PRAF2: variants seen among roughly 807,000 people sequenced by gnomAD.
The protein encoded by PRAF2 is PRA1 domain family member 2.
Under a neutral mutation model 9.7 loss-of-function variants are expected in PRAF2, and 5 were observed. The ratio of observed to expected loss-of-function variants is 0.51; its 90% CI spans 0.27 to 1.08. The LOEUF is 1.08. Among genes scored for constraint, PRAF2 ranks in the 50% least tolerant of loss-of-function variants. The pLI is 0.12. For missense variants in PRAF2, 135 were observed against 160.7 expected (o/e 0.84, Z 0.86); for synonymous variants, 61 against 76.6 (o/e 0.80, Z 1.06).
At chrX:49,072,923 C>T (rs1222292819) in intron 1 of PRAF2, among the ~76,000 whole-genome samples, 2 of 111,018 alleles carry the variant, frequency 1.8e-5, no homozygotes, top group Non-Finnish European at 3.8e-5. Flanking sequence ...CCCCACACCC[C>T]CGGGCTCCCA....
At chrX:49,072,080 G>A (rs936980316) in intron 2 of PRAF2, 72 bp from the exon 3 acceptor site, 4 of 1,114,469 alleles carry the variant, frequency 3.6e-6, no homozygotes, top group African/African-American at 1.8e-5. Flanking sequence ...CCCACCGAAG[G>A]GAATTGGCGC....
At chrX:49,073,220 T>C (rs1355290318) in intron 1 of PRAF2, among the ~76,000 whole-genome samples, 1 of 110,993 alleles carries the variant, frequency 9.0e-6, no homozygotes, top group African/African-American at 3.3e-5. Context: ...CATCCCTCTC[T>C]GGTCTCAGGC....
At chrX:49,072,299 C>T (rs1389668639) in intron 2 of PRAF2, 134 bp downstream of exon 2, 3 of 788,085 alleles carry the variant, frequency 3.8e-6, no homozygotes, top group Non-Finnish European at 5.4e-6. Flanking sequence ...CCCGGGAAGG[C>T]GCTTTTAGCG....
Position 49,073,907 on chromosome X carries a change from T to A in PRAF2, c.81A>T (p.Pro27=). The A allele has an allele frequency of 8.3e-7, 1 of 1,211,995 alleles. No homozygotes were observed. Among genetic ancestry groups the A allele is most frequent in the Non-Finnish European group, 1.1e-6 (1 of 895,463 alleles). ...LGSARLAAPD[P]CDPQRWCHRV... ...GGTGGCACCATCGCTGCGGGTCGCA[T>A]GGATCCGGAGCCGCCAGACGCGCCG... Residue 27 remains proline, a synonymous_variant, in exon 1 of 3, where the codon CCA becomes CCT. Transcript: ENST00000553851.
At chrX:49,072,977 C>A (rs1279916724) in intron 1 of PRAF2, among the ~76,000 whole-genome samples, 1 of 111,128 alleles carries the variant, frequency 9.0e-6, no homozygotes, top group African/African-American at 3.3e-5. Context: ...CCGTAGGGCC[C>A]CTCATCAGCC....
chrX:49,072,595 C>G lies in PRAF2; in HGVS notation c.235G>C (p.Gly79Arg), dbSNP rs1569523326. The change falls in exon 2 of 3, where the codon GGC (glycine) becomes CGC (arginine). Residue 79 changes from glycine (G) to arginine (R), a missense_variant. Gly to Arg is a moderately radical substitution (Grantham distance 125, BLOSUM62 -2). Coordinates refer to ENST00000553851, the MANE Select transcript of PRAF2 (RefSeq NM_007213.3). ...GTCTCAGCTGCCCACACCAGCACGC[C>G]GAGGGCCACCGCCACTACCAGCGCG... ...LSALVVAVALGVLVWAAETRA... is the reference protein window; with the variant it reads ...LSALVVAVALRVLVWAAETRA... 1 of 1,162,980 alleles carries G rather than the reference C, an allele frequency of 8.6e-7. No homozygotes were observed.
At chrX:49,072,122 G>A in intron 2 of PRAF2, 114 bp from the exon 3 acceptor site, 1 of 934,575 alleles carries the variant, frequency 1.1e-6, no homozygotes, top group Non-Finnish European at 1.5e-6. Flanking sequence ...TGAGCAGCCA[G>A]GACGCCTCAG....
In PRAF2 at chrX:49,073,983, G is replaced by A. The variant is rs1557083607; in HGVS notation, c.5C>T (p.Ser2Leu). 1.0e-5 allele frequency: 12 copies of A among 1,199,237 alleles called. No individual in the cohort carries two copies. The highest frequency in any genetic ancestry group is 1.3e-5 in the Non-Finnish European group (12 of 889,995). The change falls in exon 1 of 3, where the codon TCG (serine) becomes TTG (leucine). Residue 2 changes from serine (S) to leucine (L), a missense_variant. Ser to Leu is a moderately radical substitution (Grantham distance 145, BLOSUM62 -2). Transcript: ENST00000553851. M[S>L]EVRLPPLRAL... ...GCGTAGCGGTGGCAGCCGCACCTCC[G>A]ACATCCTGCCGGTTAATGTGGCTGG...
Position 49,071,392 on chromosome X carries a change from G to A in PRAF2, c.*477C>T, listed in dbSNP as rs1323166375. 2 of 112,770 alleles carry A rather than the reference G, an allele frequency of 1.8e-5. No homozygotes were observed. Among genetic ancestry groups the A allele is most frequent in the Non-Finnish European group, 3.7e-5 (2 of 53,761 alleles). The allele number at this position is 112,770 out of a possible 1,213,427, so 9.3% of individuals were successfully genotyped here. ...AGGATACCCGACTCCATCCACACAG[G>A]GGCATGGAACACTTGGGTTCTGAGT... On this transcript the variant is annotated 3_prime_UTR_variant, in exon 3 of 3. Transcript: ENST00000553851.
chrX:49,073,656 C>T (rs190713849), intron 1 of PRAF2, among the ~76,000 whole-genome samples, 153 bp downstream of exon 1: 6 of 111,246 alleles, frequency 5.4e-5, no homozygotes, highest in East Asian at 2.8e-4. Flanking sequence ...TCAAGGCCCC[C>T]CTTCCAAGCC....
In PRAF2 at chrX:49,072,667, A is replaced by G. The variant is rs1557083341; in HGVS notation, c.180-17T>C. On this transcript the variant is annotated splice_polypyrimidine_tract_variant and intron_variant, in intron 1 of 2. Transcript: ENST00000553851. ...CGCACGTACCTGCGGGTACAAGGGA[A>G]CCAAGCTAGCCGGCCGGGCGGAGAG... The G allele has an allele frequency of 1.1e-5, 13 of 1,160,957 alleles. No homozygotes were observed. Among genetic ancestry groups the G allele is most frequent in the Non-Finnish European group, 1.5e-5 (13 of 869,563 alleles).
chrX:49,071,744 T>A lies in PRAF2; in HGVS notation c.*125A>T. The A allele has an allele frequency of 1.2e-6, 1 of 831,077 alleles. No individual in the cohort carries two copies. The highest frequency in any genetic ancestry group is 1.6e-6 in the Non-Finnish European group (1 of 608,476). 68.5% of individuals were successfully genotyped at this position (831,077 alleles called of 1,213,427 possible). A position where few individuals can be genotyped will look rare whatever the true frequency, so the allele number is the denominator to read the frequency against. The stretch of plus-strand genomic sequence containing the variant: ...CGTGGGGGTAGGGCGGTCACAGATG[T>A]CCTGTTTTGTTTGGGCAGGGGGCTC... On this transcript the variant is annotated 3_prime_UTR_variant, in exon 3 of 3. Coordinates refer to ENST00000553851, the MANE Select transcript of PRAF2 (RefSeq NM_007213.3).
chrX:49,072,394 G>A (rs782248303), intron 2 of PRAF2, 39 bp downstream of exon 2: 1 of 1,163,510 alleles, frequency 8.6e-7, no homozygotes, highest in East Asian at 3.2e-5. Flanking sequence ...AGCATGCTCT[G>A]GCTGCTTTCC....
At chrX:49,072,291 CGGGAAGGCGCTTTTAGCGG>C (rs1331193859) in intron 2 of PRAF2, 123 bp downstream of exon 2, 14 of 754,961 alleles carry the variant, frequency 1.9e-5, no homozygotes, top group Non-Finnish European at 2.7e-5. Context: ...GAACGAAGCC[CGGGAAGGCGCTTTTAGCGG>C]GGGCGTGGCG....
In PRAF2 at chrX:49,072,549, C is replaced by A. The variant is rs1557083313; in HGVS notation, c.281G>T (p.Cys94Phe). ...AAETRAAVRR[C>F]RRSHPAACLA... is the part of the protein sequence containing the mutation. Reference sequence around the variant, plus strand: ...GCAGGCTGCAGGGTGGCTGCGGCGGCAGCGGCGCACAGCTGCGCGGGTCTC... The same window carrying A: ...GCAGGCTGCAGGGTGGCTGCGGCGGAAGCGGCGCACAGCTGCGCGGGTCTC... The change falls in exon 2 of 3, where the codon TGC (cysteine) becomes TTC (phenylalanine). Residue 94 changes from cysteine (C) to phenylalanine (F), a missense_variant. Coordinates refer to ENST00000553851, the MANE Select transcript of PRAF2 (RefSeq NM_007213.3). 3 of 1,166,608 alleles carry A rather than the reference C, an allele frequency of 2.6e-6. No homozygotes were observed. Among genetic ancestry groups the A allele is most frequent in the Non-Finnish European group, 3.4e-6 (3 of 872,958 alleles).
At chrX:49,072,404 CTG>C in intron 2 of PRAF2, 27 bp downstream of exon 2, 1 of 1,173,897 alleles carries the variant, frequency 8.5e-7, no homozygotes, top group Non-Finnish European at 1.1e-6. Context: ...GGCTGCTTTC[CTG>C]GCTATCTCGG....
In PRAF2 at chrX:49,072,460, G is replaced by C. The variant is rs2065014570; in HGVS notation, c.370C>G (p.Leu124Val). The C allele has an allele frequency of 1.7e-6, 2 of 1,195,896 alleles. No individual in the cohort carries two copies. The highest frequency in any genetic ancestry group is 6.0e-5 in the East Asian group (2 of 33,205). ...LWVAGGACTF[L>V]FSIAGPVLLI... ...AGCACCGGCCCGGCGATGCTGAACA[G>C]GAAGGTGCAAGCGCCGCCCGCGACC... Residue 124 changes from leucine (L) to valine (V), a missense_variant, in exon 2 of 3, where the codon CTG (leucine) becomes GTG (valine). Leu to Val is a conservative substitution (Grantham distance 32, BLOSUM62 1). Transcript: ENST00000553851.
intron 1 of PRAF2, among the ~76,000 whole-genome samples, chrX:49,073,462 T>G (rs1385876146): frequency 9.2e-6 from 1 of 108,632 alleles, no homozygotes; most frequent in Non-Finnish European, 1.9e-5. Context: ...TCAAGTACTC[T>G]CATGTCCCCC....
intron 1 of PRAF2, 44 bp downstream of exon 1, chrX:49,073,765 C>T: frequency 1.7e-6 from 2 of 1,198,497 alleles, no homozygotes; most frequent in South Asian, 1.8e-5. Flanking sequence ...TCTACCCCCA[C>T]GCTCTGCAGA....
Sources: gnomAD v4.1 joint callset for allele counts (sites outside exome capture counted in the v4.1 genomes callset) on GRCh38, gnomAD v4.1.1 for gene constraint, MANE v1.5 for transcripts, NCBI Gene and HGNC (gene_info 2026-07-23, HGNC 2026-07-21) for gene names.